Variants in EDIL3 observed in about 807,000 individuals in gnomAD.
EDIL3 encodes EGF-like repeat and discoidin I-like domain-containing protein 3.
EDIL3 carries 37 observed loss-of-function variants against 67.4 expected under a neutral mutation model. The ratio of observed to expected loss-of-function variants is 0.55; its 90% CI spans 0.42 to 0.72. The LOEUF (loss-of-function observed/expected upper bound fraction) is 0.72, where lower values mean the gene tolerates loss of function less well. EDIL3 is among the 30% of genes least tolerant of loss of function. EDIL3 has a pLI of 0.00. For missense variants in EDIL3, 527 were observed against 586.3 expected (o/e 0.90, Z 1.04); for synonymous variants, 195 against 196.3 (o/e 0.99, Z 0.05).
rs58965557 is a variant in EDIL3 at position 84,176,284 on chromosome 5, T to A, written c.355+4109A>T. 9.4e-3 allele frequency among the ~76,000 whole-genome samples: 1,357 copies of A among 143,956 alleles called. 28 individuals are homozygous for A. The highest frequency in any genetic ancestry group is 0.033 in the African/African-American group (1,311 of 39,196). The allele number at this position is 143,956 out of a possible 152,430, so 94.4% of individuals were successfully genotyped here. ...ATTATATATATTGTATAAAATATAT[T>A]ATATATAAAATATATTTCCATATAT... On this transcript the variant is annotated intron_variant, in intron 4 of 10. Coordinates refer to ENST00000296591, the MANE Select transcript of EDIL3 (RefSeq NM_005711.5).
intron 1 of EDIL3, among the ~76,000 whole-genome samples, chr5:84,310,516 C>G (rs1580070008): frequency 6.6e-6 from 1 of 151,852 alleles, no homozygotes; most frequent in South Asian, 2.1e-4. Flanking sequence ...TCTAGTATGC[C>G]CTAGATGACA....
chr5:84,339,601 CTG>C (rs1747058297), intron 1 of EDIL3, among the ~76,000 whole-genome samples: 1 of 113,828 alleles, frequency 8.8e-6, no homozygotes, highest in Non-Finnish European at 2.0e-5. Context: ...TTTTAAAATA[CTG>C]TGTTTTTTTT....
chr5:84,202,860 A>C (rs1285070516), intron 3 of EDIL3, among the ~76,000 whole-genome samples: 2 of 152,098 alleles, frequency 1.3e-5, no homozygotes, highest in Non-Finnish European at 2.9e-5. Flanking sequence ...TAATGATTGT[A>C]ATTTTACCAT....
At chr5:84,302,518 G>A (rs148820884) in intron 1 of EDIL3, among the ~76,000 whole-genome samples, 1,759 of 152,198 alleles carry the variant, frequency 0.012, 29 homozygotes, top group African/African-American at 0.04. Context: ...GGATGGTCTC[G>A]ATCTCCTGAC....
Position 83,988,623 on chromosome 5 carries a change from T to A in EDIL3, c.1138-25263A>T, listed in dbSNP as rs372560512. On this transcript the variant is annotated intron_variant, in intron 9 of 10. Transcript: ENST00000296591. The stretch of plus-strand genomic sequence containing the variant: ...GCCCTCTCTGAGCTGTTTCTTCTAC[T>A]GTAAAGTAGCCTTCATAACAACTGC... Among the ~76,000 whole-genome samples the A allele has an allele frequency of 5.3e-5, 8 of 152,292 alleles. No homozygotes were observed. In the East Asian group the frequency reaches 1.5e-3, roughly 29 times the overall value.
chr5:84,056,567 G>A (rs1041766482), intron 9 of EDIL3, among the ~76,000 whole-genome samples: 8 of 152,284 alleles, frequency 5.3e-5, no homozygotes, highest in Non-Finnish European at 1.0e-4. Context: ...AATTAGGCAT[G>A]AGGGTATTTT....
chr5:84,059,737 A>C (rs1191533010), intron 9 of EDIL3, among the ~76,000 whole-genome samples: 1 of 152,156 alleles, frequency 6.6e-6, no homozygotes, highest in East Asian at 1.9e-4. Context: ...GAATTTCATG[A>C]AGATTGTTTT....
chr5:84,047,444 ATG>A (rs1408982693), intron 9 of EDIL3, among the ~76,000 whole-genome samples: 1 of 152,084 alleles, frequency 6.6e-6, no homozygotes, highest in African/African-American at 2.4e-5. Flanking sequence ...TATTAAGTAG[ATG>A]TGTTATTCAT....
chr5:84,092,000 C>CA (rs1747176398), intron 6 of EDIL3, among the ~76,000 whole-genome samples: 1 of 152,052 alleles, frequency 6.6e-6, no homozygotes, highest in Admixed American at 6.6e-5. Context: ...AAGAAACTCT[C>CA]AAAAATGATA....
chr5:83,965,054 AAC>A (rs1238027434), intron 9 of EDIL3, among the ~76,000 whole-genome samples: 1 of 152,100 alleles, frequency 6.6e-6, no homozygotes, highest in African/African-American at 2.4e-5. Context: ...TCCAAAAATA[AAC>A]AGTGAATAGA....
chr5:84,296,560 T>C (rs915423747), intron 1 of EDIL3, among the ~76,000 whole-genome samples: 3 of 152,216 alleles, frequency 2.0e-5, no homozygotes, highest in African/African-American at 7.2e-5. Context: ...TTATTCTTTA[T>C]GCTACCTAAA....
In EDIL3 at chr5:84,171,547, C is replaced by A. The variant is rs116593091; in HGVS notation, c.355+8846G>T. On this transcript the variant is annotated intron_variant, in intron 4 of 10. Coordinates refer to ENST00000296591, the MANE Select transcript of EDIL3 (RefSeq NM_005711.5). ...AAGAGCAGTAAGCTAATATATTTTT[C>A]TGCCCTGATTCTTTTAATCATTTTG... Among the ~76,000 whole-genome samples the A allele has an allele frequency of 6.7e-3, 1,015 of 152,246 alleles. 14 individuals are homozygous for A. The highest frequency in any genetic ancestry group is 0.019 in the African/African-American group (793 of 41,558).
At chr5:84,084,297 C>A (rs1428927) in intron 6 of EDIL3, among the ~76,000 whole-genome samples, 56,432 of 151,880 alleles carry the variant, frequency 0.37, 10,764 homozygotes, top group Non-Finnish European at 0.4. Context: ...ATAATATAAT[C>A]TGATCTAACG....
At chr5:84,307,584 G>A (rs1243945319) in intron 1 of EDIL3, among the ~76,000 whole-genome samples, 2 of 152,182 alleles carry the variant, frequency 1.3e-5, no homozygotes, top group Non-Finnish European at 2.9e-5. Flanking sequence ...ACTGTAGGCT[G>A]CATACATTGG....
intron 1 of EDIL3, among the ~76,000 whole-genome samples, chr5:84,331,916 C>T (rs974369420): frequency 1.4e-4 from 21 of 152,196 alleles, no homozygotes; most frequent in African/African-American, 3.1e-4. Flanking sequence ...CTGAATTATT[C>T]GTGCCTAGAG....
chr5:84,321,055 T>G (rs897596308), intron 1 of EDIL3, among the ~76,000 whole-genome samples: 1 of 152,210 alleles, frequency 6.6e-6, no homozygotes, highest in Admixed American at 6.5e-5. Context: ...TGATCTGATT[T>G]TCAAAGTTTG....
At chr5:84,169,119 G>A (rs1748764674) in intron 4 of EDIL3, among the ~76,000 whole-genome samples, 1 of 151,826 alleles carries the variant, frequency 6.6e-6, no homozygotes, top group Non-Finnish European at 1.5e-5. Context: ...CTTTGGCTAA[G>A]CTCTAAAACA....
intron 1 of EDIL3, among the ~76,000 whole-genome samples, chr5:84,327,410 T>C (rs1746786151): frequency 1.3e-5 from 2 of 151,980 alleles, no homozygotes; most frequent in African/African-American, 4.8e-5. Context: ...TTACAGTCAT[T>C]TGTGCCTTTT....
At chr5:84,362,324 C>T (rs1238285863) in intron 1 of EDIL3, among the ~76,000 whole-genome samples, 1 of 151,964 alleles carries the variant, frequency 6.6e-6, no homozygotes, top group Non-Finnish European at 1.5e-5. Flanking sequence ...ACTATTACAC[C>T]ATGTGAATAA....
Sources: allele counts gnomAD v4.1 joint callset (sites outside exome capture counted in the v4.1 genomes callset), GRCh38; gene constraint gnomAD v4.1.1; transcripts MANE v1.5; gene names NCBI Gene and HGNC (gene_info 2026-07-23, HGNC 2026-07-21).